KLF5: variants seen among roughly 807,000 people sequenced by gnomAD.
KLF5 encodes Krueppel-like factor 5.
Under a neutral mutation model 36.9 loss-of-function variants are expected in KLF5, and 9 were observed. The ratio of observed to expected loss-of-function variants is 0.24; its 90% CI spans 0.15 to 0.43. KLF5 has a LOEUF of 0.43. Among genes scored for constraint, KLF5 ranks in the 20% least tolerant of loss-of-function variants. KLF5 has a pLI of 1.00. For synonymous variants in KLF5, 246 were observed against 241.7 expected (o/e 1.02, Z -0.17); for missense variants, 524 against 599.5 (o/e 0.87, Z 1.31).
chr13:73,055,956 CCAAA>C (rs1271284784), upstream of KLF5, among the ~76,000 whole-genome samples: 2 of 152,098 alleles, frequency 1.3e-5, no homozygotes, highest in African/African-American at 2.4e-5. Flanking sequence ...TTTAGATTTG[CCAAA>C]CAACTGAATT....
upstream of KLF5, chr13:73,058,746 C>G (rs1484109774): frequency 1.3e-5 from 2 of 152,474 alleles, no homozygotes; most frequent in African/African-American, 4.8e-5. Context: ...CCCTCCGCCC[C>G]CGGCTCCGCC....
chr13:73,072,248 A>T (rs1221934551), intron 3 of KLF5, among the ~76,000 whole-genome samples: 2 of 152,160 alleles, frequency 1.3e-5, no homozygotes, highest in Non-Finnish European at 2.9e-5. Flanking sequence ...GACAATTTTC[A>T]GTTTGTTGCT....
In KLF5 at chr13:73,059,336, A is replaced by C; in HGVS notation, c.9A>C (p.Thr3=). ...TGCGCCCCCGAGTGCCCATGGCTAC[A>C]AGGGTGCTGAGCATGAGCGCCCGCC... The part of the protein sequence containing the change: MA[T]RVLSMSARLG... The change falls in exon 1 of 4, where the codon ACA becomes ACC. Residue 3 remains threonine, a synonymous_variant. Transcript: ENST00000377687. 1 of 1,409,656 alleles carries C rather than the reference A, an allele frequency of 7.1e-7. No individual in the cohort carries two copies. The highest frequency in any genetic ancestry group is 9.2e-7 in the Non-Finnish European group (1 of 1,084,334). The allele number at this position is 1,409,656 out of a possible 1,614,324, so 87.3% of individuals were successfully genotyped here.
intron 3 of KLF5, chr13:73,074,925 T>G (rs977000580): frequency 6.6e-6 from 1 of 152,212 alleles, no homozygotes; most frequent in Non-Finnish European, 1.5e-5. Flanking sequence ...TGGAATGAAT[T>G]TTGGGTGTAA....
At chr13:73,063,993 T>TC in intron 3 of KLF5, 110 bp downstream of exon 3, 2 of 624,508 alleles carry the variant, frequency 3.2e-6, no homozygotes, top group East Asian at 5.7e-5. Context: ...CTTTGTTTTT[T>TC]TTTTTTTTTT....
chr13:73,071,153 T>C (rs1007625584), intron 3 of KLF5, among the ~76,000 whole-genome samples: 1 of 152,236 alleles, frequency 6.6e-6, no homozygotes, highest in African/African-American at 2.4e-5. Flanking sequence ...CAAGTGCAAA[T>C]TGATAGCTCA....
intron 3 of KLF5, 144 bp from the exon 4 acceptor site, chr13:73,075,564 T>C (rs1226545779): frequency 5.7e-5 from 35 of 617,538 alleles, no homozygotes; most frequent in Admixed American, 2.6e-5. Flanking sequence ...GGCTTTGATA[T>C]GTATTTACTC....
At chr13:73,074,767 G>A (rs2044747705) in intron 3 of KLF5, among the ~76,000 whole-genome samples, 1 of 152,162 alleles carries the variant, frequency 6.6e-6, no homozygotes, top group Admixed American at 6.5e-5. Flanking sequence ...TGAAAGAATG[G>A]AATGGGTAGG....
At chr13:73,060,476 A>G (rs2139101993) in intron 1 of KLF5, 1 of 152,284 alleles carries the variant, frequency 6.6e-6, no homozygotes, top group Middle Eastern at 3.4e-3. Flanking sequence ...TTATTTCAAG[A>G]CACTTCATTT....
At chr13:73,070,130 A>T (rs2044712290) in intron 3 of KLF5, among the ~76,000 whole-genome samples, 1 of 152,218 alleles carries the variant, frequency 6.6e-6, no homozygotes, top group African/African-American at 2.4e-5. Flanking sequence ...CTTATTAAGG[A>T]TAAGTTACAG....
At chr13:73,061,795 G>T in intron 1 of KLF5, 66 bp from the exon 2 acceptor site, 1 of 1,494,158 alleles carries the variant, frequency 6.7e-7, no homozygotes, top group Non-Finnish European at 9.2e-7. Flanking sequence ...AGTAGGCGCC[G>T]ATTGTTCGTT....
At chr13:73,062,874 TAAAA>T (rs374320358) in intron 2 of KLF5, 140 bp downstream of exon 2, 58 of 482,006 alleles carry the variant, frequency 1.2e-4, no homozygotes, top group East Asian at 3.6e-4. Context: ...TACTTGACAG[TAAAA>T]AAAAAAAAAA....
intron 3 of KLF5, among the ~76,000 whole-genome samples, chr13:73,067,477 G>A (rs2044688347): frequency 6.6e-6 from 1 of 152,208 alleles, no homozygotes; most frequent in Non-Finnish European, 1.5e-5. Flanking sequence ...CAACACAGAT[G>A]TTTGAAGTCC....
intron 3 of KLF5, among the ~76,000 whole-genome samples, chr13:73,067,043 TTGG>T (rs1305152085): frequency 6.6e-6 from 1 of 152,334 alleles, no homozygotes; most frequent in East Asian, 1.9e-4. Flanking sequence ...TATCATGCCT[TTGG>T]TGAGAAATAA....
chr13:73,056,092 T>C, upstream of KLF5, among the ~76,000 whole-genome samples: 1 of 151,068 alleles, frequency 6.6e-6, no homozygotes, highest in African/African-American at 2.4e-5. Context: ...TCAAACCCCC[T>C]CCCCCAACAT....
At position 73,062,591 on chromosome 13, in the gene KLF5, C is replaced by T; in HGVS notation, c.992C>T (p.Thr331Ile). Residue 331 changes from threonine to isoleucine, a missense_variant, in exon 2 of 4, where the codon ACA becomes ATA. Thr to Ile is a moderately conservative substitution (Grantham distance 89). Around this residue, in one of 4 missense-constraint regions of KLF5, gnomAD observed 454 missense variants for 458.1 expected, o/e 0.99. Coordinates refer to ENST00000377687, the MANE Select transcript of KLF5 (RefSeq NM_001730.5). ...ACCCCACCTCCATCCTATGCTGCTACAATTGCTTCTAAACTGGCAATTCAC... is the reference window on the plus strand; with the variant it reads ...ACCCCACCTCCATCCTATGCTGCTATAATTGCTTCTAAACTGGCAATTCAC... ...NLTPPPSYAATIASKLAIHNP... is the reference protein window; with the variant it reads ...NLTPPPSYAAIIASKLAIHNP... 2 of 1,614,260 alleles carry T rather than the reference C, an allele frequency of 1.2e-6. No individual in the cohort carries two copies. Among genetic ancestry groups the T allele is most frequent in the Non-Finnish European group, 1.7e-6 (2 of 1,180,046 alleles).
intron 3 of KLF5, among the ~76,000 whole-genome samples, chr13:73,073,269 C>A (rs1009893636): frequency 6.6e-6 from 1 of 152,204 alleles, no homozygotes; most frequent in Non-Finnish European, 1.5e-5. Context: ...TTGAACAAAT[C>A]CCATAGAAAC....
chr13:73,064,326 C>T (rs2044663527), intron 3 of KLF5, among the ~76,000 whole-genome samples: 1 of 152,052 alleles, frequency 6.6e-6, no homozygotes, highest in Non-Finnish European at 1.5e-5. Context: ...AGTTTCACCT[C>T]TAGGTTAAAA....
intron 3 of KLF5, among the ~76,000 whole-genome samples, chr13:73,074,771 G>A (rs2044747783): frequency 6.6e-6 from 1 of 152,180 alleles, no homozygotes; most frequent in Non-Finnish European, 1.5e-5. Flanking sequence ...AGAATGGAAT[G>A]GGTAGGTTGA....
Sources: allele counts gnomAD v4.1 joint callset (sites outside exome capture counted in the v4.1 genomes callset), GRCh38; gene constraint gnomAD v4.1.1; regional missense constraint gnomAD v4.1.1; transcripts MANE v1.5; gene names NCBI Gene and HGNC (gene_info 2026-07-23, HGNC 2026-07-21).